SPIDR: variants seen among roughly 807,000 people sequenced by gnomAD.
SPIDR encodes the protein DNA repair-scaffolding protein.
SPIDR carries 93 observed loss-of-function variants against 104.6 expected under a neutral mutation model. That is an observed-to-expected ratio of 0.89 (90% CI 0.75 to 1.06). The LOEUF is 1.06. Ranked by LOEUF, SPIDR falls within the 50% of genes least tolerant of loss-of-function variation. The pLI is 0.00. For synonymous variants in SPIDR, 431 were observed against 416.9 expected, an observed-to-expected ratio of 1.03 and a Z score of -0.41; for missense variants, 1,154 against 1,111.2, an observed-to-expected ratio of 1.04 and a Z score of -0.55.
chr8:47,623,619 C>G (rs2065496314), intron 10 of SPIDR, among the ~76,000 whole-genome samples: 1 of 152,052 alleles, frequency 6.6e-6, no homozygotes, highest in African/African-American at 2.4e-5. Flanking sequence ...TTTAAACCAA[C>G]AAAGATCAAA....
chr8:47,501,436 T>G (rs1036611101), intron 8 of SPIDR, among the ~76,000 whole-genome samples: 2 of 152,144 alleles, frequency 1.3e-5, no homozygotes, highest in African/African-American at 4.8e-5. Context: ...ATGATTTGGC[T>G]CTCTGTTTGT....
chr8:47,685,080 C>T (rs991501068), intron 11 of SPIDR, among the ~76,000 whole-genome samples: 5 of 152,120 alleles, frequency 3.3e-5, no homozygotes, highest in African/African-American at 9.7e-5. Context: ...GGCGTGGTGG[C>T]AGATGCCTGT....
chr8:47,418,067 A>G (rs534700870), intron 7 of SPIDR, among the ~76,000 whole-genome samples: 1 of 152,256 alleles, frequency 6.6e-6, no homozygotes, highest in South Asian at 2.1e-4. Flanking sequence ...TGATGCCTCC[A>G]GCTTTGTTCT....
At chr8:47,316,813 G>A (rs116686878) in intron 5 of SPIDR, among the ~76,000 whole-genome samples, 45 of 152,220 alleles carry the variant, frequency 3.0e-4, no homozygotes, top group African/African-American at 1.1e-3. Context: ...ATCAAATGGT[G>A]TGTCTTTTAT....
intron 5 of SPIDR, among the ~76,000 whole-genome samples, chr8:47,380,421 G>A (rs1375910885): frequency 6.6e-6 from 1 of 152,166 alleles, no homozygotes; most frequent in African/African-American, 2.4e-5. Context: ...GGAGGACCGT[G>A]TTGCTGGGCG....
chr8:47,332,986 C>T (rs1015842398), intron 5 of SPIDR, among the ~76,000 whole-genome samples: 1 of 150,046 alleles, frequency 6.7e-6, no homozygotes, highest in Non-Finnish European at 1.5e-5. Context: ...TTTTGCTGTG[C>T]AGAAGCTCTT....
chr8:47,286,768 A>G (rs2038927653), intron 3 of SPIDR, among the ~76,000 whole-genome samples: 1 of 152,206 alleles, frequency 6.6e-6, no homozygotes, highest in African/African-American at 2.4e-5. Context: ...CAAAAAAGGA[A>G]ATATAAATGA....
At chr8:47,516,972 G>A (rs2154378694) in intron 8 of SPIDR, among the ~76,000 whole-genome samples, 1 of 152,280 alleles carries the variant, frequency 6.6e-6, no homozygotes, top group South Asian at 2.1e-4. Flanking sequence ...TCTAATGGGT[G>A]TGAAGTGGTA....
At chr8:47,394,059 A>G (rs1481821226) in intron 5 of SPIDR, among the ~76,000 whole-genome samples, 1 of 152,050 alleles carries the variant, frequency 6.6e-6, no homozygotes, top group Non-Finnish European at 1.5e-5. Context: ...GGTGTGTGCC[A>G]CCACACCGGG....
chr8:47,706,349 C>T (rs1274203334), intron 14 of SPIDR, among the ~76,000 whole-genome samples: 1 of 152,138 alleles, frequency 6.6e-6, no homozygotes. Flanking sequence ...GCCAAGACCA[C>T]GCCACTGCAC....
intron 8 of SPIDR, among the ~76,000 whole-genome samples, chr8:47,533,241 ATAAT>A (rs752731447): frequency 1.7e-4 from 26 of 152,166 alleles, no homozygotes; most frequent in Non-Finnish European, 3.7e-4. Context: ...ATTTTTACCA[ATAAT>A]TAATAAATAA....
In SPIDR at chr8:47,685,509, A is replaced by ATT. The variant is rs79918303; in HGVS notation, c.1685+11570_1685+11571dup. On this transcript the variant is annotated intron_variant, in intron 11 of 19. Transcript: ENST00000297423. The stretch of plus-strand genomic sequence containing the variant: ...TATTTATTTATTTATTTATTTATTT[A>ATT]TTTATTTATTTTTTTGAGACAGTCT... Among the ~76,000 whole-genome samples the ATT allele has an allele frequency of 2.0e-3, 218 of 106,958 alleles. 15 individuals carry two copies. The East Asian group carries it at 0.046, about 22-fold the overall frequency. 70.2% of individuals were successfully genotyped at this position (106,958 alleles called of 152,430 possible).
chr8:47,406,503 A>G (rs558731533), intron 6 of SPIDR, among the ~76,000 whole-genome samples: 5 of 152,354 alleles, frequency 3.3e-5, no homozygotes, highest in African/African-American at 4.8e-5. Context: ...GTGCTATGGC[A>G]TATTTCTGAG....
chr8:47,559,930 A>T (rs1450424906), intron 8 of SPIDR, among the ~76,000 whole-genome samples: 1 of 152,216 alleles, frequency 6.6e-6, no homozygotes, highest in Non-Finnish European at 1.5e-5. Flanking sequence ...GATAAGAATA[A>T]CATTAACATA....
intron 8 of SPIDR, among the ~76,000 whole-genome samples, chr8:47,506,728 C>G (rs2081541915): frequency 6.6e-6 from 1 of 152,090 alleles, no homozygotes; most frequent in Admixed American, 6.6e-5. Context: ...CGGACATATG[C>G]AGTGTTACTG....
At chr8:47,450,763 C>G (rs1209703021) in intron 8 of SPIDR, among the ~76,000 whole-genome samples, 1 of 152,144 alleles carries the variant, frequency 6.6e-6, no homozygotes, top group Admixed American at 6.6e-5. Context: ...GTAGGAAGTT[C>G]CAGAAATCCA....
At chr8:47,595,418 T>C (rs949972384) in intron 8 of SPIDR, among the ~76,000 whole-genome samples, 1 of 152,250 alleles carries the variant, frequency 6.6e-6, no homozygotes, top group African/African-American at 2.4e-5. Flanking sequence ...TAATGGTATG[T>C]TCTTTGAAAG....
At chr8:47,288,949 AG>A (rs2039391995) in intron 3 of SPIDR, among the ~76,000 whole-genome samples, 1 of 152,084 alleles carries the variant, frequency 6.6e-6, no homozygotes, top group Non-Finnish European at 1.5e-5. Context: ...GTATATTGTT[AG>A]TTTTTTTCAT....
chr8:47,297,972 C>G (rs1197697318), intron 5 of SPIDR, among the ~76,000 whole-genome samples: 20 of 152,260 alleles, frequency 1.3e-4, no homozygotes, highest in African/African-American at 4.8e-4. Flanking sequence ...GGTATATACC[C>G]AGTAATGGGA....
Sources: gnomAD v4.1 joint callset for allele counts (sites outside exome capture counted in the v4.1 genomes callset) on GRCh38, gnomAD v4.1.1 for gene constraint, MANE v1.5 for transcripts, NCBI Gene and HGNC (gene_info 2026-07-23, HGNC 2026-07-21) for gene names.